ERBB4: variants seen among roughly 807,000 people sequenced by gnomAD.
ERBB4 encodes erb-b2 receptor tyrosine kinase 4, also known as receptor tyrosine-protein kinase erbB-4.
In ERBB4, 42 loss-of-function variants were observed where a neutral mutation model predicts 158.0. The ratio of observed to expected loss-of-function variants is 0.27; its 90% CI spans 0.21 to 0.34. The LOEUF is 0.34. Ranked by LOEUF, ERBB4 falls within the 10% of genes least tolerant of loss-of-function variation. The pLI is 1.00. For missense variants in ERBB4, 1,333 were observed against 1,624.1 expected (o/e 0.82, Z 3.08); for synonymous variants, 583 against 558.7 (o/e 1.04, Z -0.61).
chr2:212,101,169 G>A (rs1559498839), intron 2 of ERBB4, among the ~76,000 whole-genome samples: 3 of 151,708 alleles, frequency 2.0e-5, no homozygotes, highest in Non-Finnish European at 4.4e-5. Context: ...TGTTATTAAT[G>A]AGCAGAAATG....
intron 3 of ERBB4, among the ~76,000 whole-genome samples, chr2:211,933,373 T>C (rs2080228858): frequency 6.6e-6 from 1 of 152,088 alleles, no homozygotes; most frequent in African/African-American, 2.4e-5. Context: ...GTATGTTAAG[T>C]ACTGCTTCAT....
At chr2:212,258,770 C>T (rs2084831345) in intron 1 of ERBB4, among the ~76,000 whole-genome samples, 1 of 151,792 alleles carries the variant, frequency 6.6e-6, no homozygotes, top group Admixed American at 6.6e-5. Context: ...GCATTACAAG[C>T]ACCTCTTTTC....
At chr2:211,462,287 C>T (rs1261640548) in intron 20 of ERBB4, among the ~76,000 whole-genome samples, 1 of 151,930 alleles carries the variant, frequency 6.6e-6, no homozygotes, top group Non-Finnish European at 1.5e-5. Flanking sequence ...GGATACCTGC[C>T]CCCATGATCC....
chr2:212,014,919 GCA>G lies in ERBB4; in HGVS notation c.235-67305_235-67304del, dbSNP rs1233070641. ...TTTAAGTATTTTTCTTCAGCCAGGCGCAGTGGCTCACGCCTGTAATCGCAGCA... is the reference window on the plus strand; with the variant it reads ...TTTAAGTATTTTTCTTCAGCCAGGCGGTGGCTCACGCCTGTAATCGCAGCA... On this transcript the variant is annotated intron_variant, in intron 2 of 27. Transcript: ENST00000342788. Among the ~76,000 whole-genome samples, 102 of 150,282 alleles carry G rather than the reference GCA, an allele frequency of 6.8e-4. 1 individual carries two copies. The highest frequency in any genetic ancestry group is 2.3e-3 in the African/African-American group (95 of 40,888).
intron 1 of ERBB4, among the ~76,000 whole-genome samples, chr2:212,348,151 T>A (rs1337017747): frequency 6.6e-6 from 1 of 152,156 alleles, no homozygotes; most frequent in Non-Finnish European, 1.5e-5. Context: ...AAGATCGTGA[T>A]AGTCTGTCAT....
At chr2:212,399,957 T>C (rs1320831620) in intron 1 of ERBB4, among the ~76,000 whole-genome samples, 1 of 151,920 alleles carries the variant, frequency 6.6e-6, no homozygotes, top group Non-Finnish European at 1.5e-5. Context: ...TCAGAGTGCT[T>C]TGAGAGTCTA....
chr2:212,211,587 T>C (rs2082934869), intron 1 of ERBB4, among the ~76,000 whole-genome samples: 2 of 148,944 alleles, frequency 1.3e-5, no homozygotes, highest in South Asian at 4.2e-4. Flanking sequence ...AGCAGAAGTT[T>C]CCATTTCTTT....
intron 19 of ERBB4, among the ~76,000 whole-genome samples, chr2:211,591,637 A>G (rs2068467744): frequency 6.6e-6 from 1 of 152,234 alleles, no homozygotes; most frequent in African/African-American, 2.4e-5. Context: ...TACCGCTATT[A>G]TAGCACTAAC....
At chr2:212,057,801 A>G (rs1187520591) in intron 2 of ERBB4, among the ~76,000 whole-genome samples, 1 of 152,234 alleles carries the variant, frequency 6.6e-6, no homozygotes, top group Non-Finnish European at 1.5e-5. Flanking sequence ...GGAAATTTAT[A>G]GCACTAAATG....
intron 3 of ERBB4, among the ~76,000 whole-genome samples, chr2:211,829,239 T>C (rs866986259): frequency 6.6e-6 from 1 of 152,200 alleles, no homozygotes; most frequent in Non-Finnish European, 1.5e-5. Context: ...ATCATTATTT[T>C]CAGTTATATG....
intron 1 of ERBB4, among the ~76,000 whole-genome samples, chr2:212,270,287 G>A (rs936910779): frequency 6.6e-6 from 1 of 151,702 alleles, no homozygotes; most frequent in African/African-American, 2.4e-5. Context: ...AACTTAAAAT[G>A]GAAGGATTTA....
In ERBB4 at chr2:212,380,456, C is replaced by CTGTGTGTGTGTGTG. The variant is rs6147158; in HGVS notation, c.82+157979_82+157992dup. 1.1e-3 allele frequency among the ~76,000 whole-genome samples: 160 copies of CTGTGTGTGTGTGTG among 143,132 alleles called. 2 individuals are homozygous for CTGTGTGTGTGTGTG. The highest frequency in any genetic ancestry group is 3.3e-3 in the African/African-American group (130 of 38,830). The allele number at this position is 143,132 out of a possible 152,430, so 93.9% of individuals were successfully genotyped here. ...ATACCTCAGATACTGAGGAATGACT[C>CTGTGTGTGTGTGTG]TGTGTGTGTGTGTGTGTGTGTGTGT... On this transcript the variant is annotated intron_variant, in intron 1 of 27. Transcript: ENST00000342788.
At chr2:212,015,504 C>G (rs1005609487) in intron 2 of ERBB4, among the ~76,000 whole-genome samples, 1 of 152,064 alleles carries the variant, frequency 6.6e-6, no homozygotes, top group African/African-American at 2.4e-5. Flanking sequence ...GTGCCTGGGA[C>G]CTGTTTCTCT....
chr2:212,301,678 C>T (rs1559964397), intron 1 of ERBB4, among the ~76,000 whole-genome samples: 1 of 151,338 alleles, frequency 6.6e-6, no homozygotes, highest in East Asian at 2.0e-4. Flanking sequence ...ACACACCACA[C>T]ACTTCTAGGC....
At chr2:211,622,181 T>G (rs953147982) in intron 18 of ERBB4, among the ~76,000 whole-genome samples, 18 of 152,314 alleles carry the variant, frequency 1.2e-4, no homozygotes, top group African/African-American at 4.3e-4. Flanking sequence ...ATTAAAATTA[T>G]TAAAGATGTA....
In ERBB4 at chr2:211,947,468, T is replaced by C. The variant is rs2080733611; in HGVS notation, c.383A>G (p.Asn128Ser). Reference protein sequence around the residue: ...AIFLNYRKDGNFGLQELGLKN... With the variant: ...AIFLNYRKDGSFGLQELGLKN... The stretch of plus-strand genomic sequence containing the variant: ...TAATCCAAGTTCTTGAAGTCCAAAG[T>C]TTCCATCTTTTCTGTAGTTTAAAAA... Residue 128 changes from asparagine (N) to serine (S), a missense_variant, in exon 3 of 28, where the codon AAC (asparagine) becomes AGC (serine). Coordinates refer to ENST00000342788, the MANE Select transcript of ERBB4 (RefSeq NM_005235.3). 1.9e-6 allele frequency: 3 copies of C among 1,613,806 alleles called. No individual in the cohort carries two copies. Among genetic ancestry groups the C allele is most frequent in the South Asian group, 2.2e-5 (2 of 91,086 alleles).
At chr2:212,051,453 C>T (rs938130091) in intron 2 of ERBB4, among the ~76,000 whole-genome samples, 6 of 151,998 alleles carry the variant, frequency 3.9e-5, no homozygotes, top group African/African-American at 1.4e-4. Context: ...TTAAGGTTCT[C>T]AAACCTATGC....
rs758422014 is a variant in ERBB4, at chr2:211,630,487, G to T, written c.2054C>A (p.Ala685Asp). The T allele has an allele frequency of 2.5e-6, 4 of 1,612,860 alleles. No individual in the cohort carries two copies. Among genetic ancestry groups the T allele is most frequent in the East Asian group, 2.2e-5 (1 of 44,864 alleles). ...CTCTGTTTCCAAGAATCTTCTCAAG[G>T]CTCTTTTCTTTTTGATGCTCTTCCT... ...VRRKSIKKKR[A>D]LRRFLETELV... The change falls in exon 17 of 28, where the codon GCC becomes GAC. Residue 685 changes from alanine (A) to aspartate (D), a missense_variant. This residue lies in a region of ERBB4 where 314 missense variants were observed against 437.6 expected (regional missense o/e 0.72). Transcript: ENST00000342788.
intron 1 of ERBB4, among the ~76,000 whole-genome samples, chr2:212,171,368 C>T (rs923649065): frequency 1.3e-5 from 2 of 151,376 alleles, no homozygotes; most frequent in Non-Finnish European, 2.9e-5. Context: ...AGAGTACTTG[C>T]CTTGTCTCAG....
Sources: gnomAD v4.1 joint callset for allele counts (sites outside exome capture counted in the v4.1 genomes callset) on GRCh38, gnomAD v4.1.1 for gene constraint, gnomAD v4.1.1 regional missense constraint, MANE v1.5 for transcripts, NCBI Gene and HGNC (gene_info 2026-07-23, HGNC 2026-07-21) for gene names.